ST3GAL3: variants seen among roughly 807,000 people sequenced by gnomAD.
ST3GAL3 encodes CMP-N-acetylneuraminate-beta-1,4-galactoside alpha-2,3-sialyltransferase.
In ST3GAL3, 21 loss-of-function variants were observed where a neutral mutation model predicts 50.1. The ratio of observed to expected loss-of-function variants is 0.42; its 90% CI spans 0.30 to 0.60. The LOEUF is 0.60. Among genes scored for constraint, ST3GAL3 ranks in the 20% least tolerant of loss-of-function variants. ST3GAL3 has a pLI of 0.19. For missense variants in ST3GAL3, 353 were observed against 489.4 expected, an observed-to-expected ratio of 0.72 and a Z score of 2.63; for synonymous variants, 183 against 190.0, an observed-to-expected ratio of 0.96 and a Z score of 0.30.
intron 2 of ST3GAL3, among the ~76,000 whole-genome samples, chr1:43,744,699 A>T (rs1289670862): frequency 1.6e-5 from 2 of 122,858 alleles, no homozygotes; most frequent in African/African-American, 5.6e-5. Context: ...AAATAAAATA[A>T]AAAATAAAAT....
intron 9 of ST3GAL3, chr1:43,913,233 C>G (rs554940646): frequency 5.4e-4 from 82 of 152,386 alleles, no homozygotes; most frequent in African/African-American, 1.9e-3. Context: ...CCGCTTCACT[C>G]TCCTGGCCTC....
At chr1:43,925,998 C>T (rs954019007) in intron 11 of ST3GAL3, among the ~76,000 whole-genome samples, 2 of 152,168 alleles carry the variant, frequency 1.3e-5, no homozygotes, top group Non-Finnish European at 2.9e-5. Context: ...ACGGCACCTA[C>T]ATCTGTGGTT....
At chr1:43,848,521 T>G (rs1231518749) in intron 5 of ST3GAL3, among the ~76,000 whole-genome samples, 1 of 152,016 alleles carries the variant, frequency 6.6e-6, no homozygotes, top group Non-Finnish European at 1.5e-5. Flanking sequence ...GCCAGGCTGG[T>G]CTCAAACTCC....
chr1:43,779,553 G>A (rs1166205595), intron 2 of ST3GAL3, among the ~76,000 whole-genome samples: 1 of 152,110 alleles, frequency 6.6e-6, no homozygotes, highest in Non-Finnish European at 1.5e-5. Flanking sequence ...CTAATAACAA[G>A]TGTATGTTGC....
Position 43,878,493 on chromosome 1 carries a change from A to G in ST3GAL3, c.303-15890A>G, listed in dbSNP as rs141019415. Among the ~76,000 whole-genome samples, 329 of 152,298 alleles carry G rather than the reference A, an allele frequency of 2.2e-3. 2 individuals carry two copies. Among genetic ancestry groups the G allele is most frequent in the African/African-American group, 7.7e-3 (320 of 41,560 alleles). ...ATGAGAGATTTGAGTAAAGACTGGA[A>G]GGAGGCGAGGAATGAGCCAAATGTG... On this transcript the variant is annotated intron_variant, in intron 5 of 11. Transcript: ENST00000347631.
intron 2 of ST3GAL3, among the ~76,000 whole-genome samples, chr1:43,787,874 C>T (rs2057542300): frequency 1.3e-5 from 2 of 152,180 alleles, no homozygotes; most frequent in Non-Finnish European, 2.9e-5. Flanking sequence ...TCCATTTAGA[C>T]TGATATTGTT....
At chr1:43,733,979 G>A (rs879281051) in intron 1 of ST3GAL3, among the ~76,000 whole-genome samples, 7 of 152,026 alleles carry the variant, frequency 4.6e-5, no homozygotes, top group African/African-American at 7.2e-5. Context: ...GTGTGGTGGC[G>A]CGTGCCTGTA....
chr1:43,743,988 G>A (rs944183555), intron 2 of ST3GAL3, among the ~76,000 whole-genome samples: 5 of 152,058 alleles, frequency 3.3e-5, no homozygotes, highest in African/African-American at 1.2e-4. Flanking sequence ...CTGGTTCTGT[G>A]AAAATACTCT....
chr1:43,864,908 G>A (rs1471649255), intron 5 of ST3GAL3, among the ~76,000 whole-genome samples: 1 of 152,140 alleles, frequency 6.6e-6, no homozygotes, highest in Non-Finnish European at 1.5e-5. Context: ...TTCATCTGGG[G>A]AGAACGCTTA....
At chr1:43,891,908 G>A (rs1288337937) in intron 5 of ST3GAL3, among the ~76,000 whole-genome samples, 1 of 152,208 alleles carries the variant, frequency 6.6e-6, no homozygotes, top group Non-Finnish European at 1.5e-5. Context: ...GAGCCGCTGA[G>A]AACTTTTATC....
chr1:43,812,474 G>A (rs570155238), intron 3 of ST3GAL3, among the ~76,000 whole-genome samples: 2 of 152,276 alleles, frequency 1.3e-5, no homozygotes, highest in South Asian at 2.1e-4. Context: ...TGAGGGCTGT[G>A]GGGATACAGT....
intron 5 of ST3GAL3, among the ~76,000 whole-genome samples, chr1:43,865,024 T>TG (rs999151835): frequency 1.3e-5 from 2 of 151,414 alleles, no homozygotes; most frequent in Non-Finnish European, 3.0e-5. Context: ...TACAACATTT[T>TG]TTTTTTTTTT....
chr1:43,808,364 G>C (rs1285144676), intron 3 of ST3GAL3, among the ~76,000 whole-genome samples: 1 of 151,658 alleles, frequency 6.6e-6, no homozygotes, highest in Non-Finnish European at 1.5e-5. Flanking sequence ...GAGAGATTTG[G>C]TTTGGGCGCA....
At chr1:43,744,915 C>T (rs746210648) in intron 2 of ST3GAL3, among the ~76,000 whole-genome samples, 45 of 149,364 alleles carry the variant, frequency 3.0e-4, no homozygotes, top group Non-Finnish European at 4.5e-5. Context: ...CGCTTGAACT[C>T]GGGAGACAGA....
intron 9 of ST3GAL3, among the ~76,000 whole-genome samples, chr1:43,916,321 G>A (rs2081792664): frequency 6.6e-6 from 1 of 152,166 alleles, no homozygotes; most frequent in African/African-American, 2.4e-5. Flanking sequence ...CCCTGGAAGT[G>A]GTGGCAGTAG....
At position 43,928,913 on chromosome 1, in the gene ST3GAL3, A is replaced by C. The variant is rs116955305; in HGVS notation, c.1039-1219A>C. ...AACAAGAGCGAAACTCTGTCTCAAA[A>C]ATAAATAAATAGATAAAAAATAAAC... On this transcript the variant is annotated intron_variant, in intron 11 of 11. Coordinates refer to ENST00000347631, the MANE Select transcript of ST3GAL3 (RefSeq NM_006279.5). Among the ~76,000 whole-genome samples, 1,082 of 152,356 alleles carry C rather than the reference A, an allele frequency of 7.1e-3. 30 individuals are homozygous for C. In the East Asian group the frequency reaches 0.074, roughly 10 times the overall value.
chr1:43,927,992 G>A (rs1400840859), intron 11 of ST3GAL3, among the ~76,000 whole-genome samples: 1 of 152,192 alleles, frequency 6.6e-6, no homozygotes. Context: ...TGAAGGGAAT[G>A]CTCAGAGAAG....
At chr1:43,835,542 C>G (rs995241571) in intron 4 of ST3GAL3, among the ~76,000 whole-genome samples, 1 of 152,074 alleles carries the variant, frequency 6.6e-6, no homozygotes, top group South Asian at 2.1e-4. Flanking sequence ...AGAGCAGTAT[C>G]TCCTGCCTTG....
chr1:43,771,230 T>C (rs1305320605), intron 2 of ST3GAL3, among the ~76,000 whole-genome samples: 4 of 152,202 alleles, frequency 2.6e-5, no homozygotes, highest in Non-Finnish European at 4.4e-5. Context: ...TCAAATTGAG[T>C]GTCTGAATAT....
Sources: gnomAD v4.1 joint callset for allele counts (sites outside exome capture counted in the v4.1 genomes callset) on GRCh38, gnomAD v4.1.1 for gene constraint, MANE v1.5 for transcripts, NCBI Gene and HGNC (gene_info 2026-07-23, HGNC 2026-07-21) for gene names.